SDK1: variants seen among roughly 807,000 people sequenced by gnomAD.
SDK1 encodes the protein protein sidekick-1.
In SDK1, 157 loss-of-function variants were observed where a neutral mutation model predicts 245.5. The observed-to-expected ratio is 0.64, with a 90% CI of 0.56 to 0.73. SDK1 has a LOEUF of 0.73. SDK1 is among the 30% of genes least tolerant of loss of function. SDK1 has a pLI of 0.00. For synonymous variants in SDK1, 1,647 were observed against 1,278.5 expected (o/e 1.29, Z -6.15); for missense variants, 3,583 against 3,002.3 (o/e 1.19, Z -4.52).
At chr7:3,912,922 G>T (rs1252102924) in intron 5 of SDK1, among the ~76,000 whole-genome samples, 1 of 152,210 alleles carries the variant, frequency 6.6e-6, no homozygotes, top group African/African-American at 2.4e-5. Flanking sequence ...CGAGATGCAA[G>T]TCACAGTTTT....
At chr7:3,794,749 C>T (rs1778920961) in intron 4 of SDK1, among the ~76,000 whole-genome samples, 1 of 152,090 alleles carries the variant, frequency 6.6e-6, no homozygotes, top group African/African-American at 2.4e-5. Flanking sequence ...CTGTATAGAT[C>T]ACCCAATTTC....
chr7:3,910,260 A>G (rs936592700), intron 5 of SDK1, among the ~76,000 whole-genome samples: 17 of 152,184 alleles, frequency 1.1e-4, no homozygotes, highest in Non-Finnish European at 5.9e-5. Flanking sequence ...CAAAACAAAA[A>G]CAGATTATTC....
At chr7:3,820,475 C>T (rs888824766) in intron 4 of SDK1, among the ~76,000 whole-genome samples, 2 of 152,116 alleles carry the variant, frequency 1.3e-5, no homozygotes, top group African/African-American at 4.8e-5. Context: ...ATTTTACCAC[C>T]CTCATCCACC....
chr7:4,148,127 C>T (rs73048352), intron 29 of SDK1, among the ~76,000 whole-genome samples: 5,825 of 152,166 alleles, frequency 0.038, 163 homozygotes, highest in Middle Eastern at 0.088. Flanking sequence ...GCCTTTGAAA[C>T]GGGATACGCT....
At chr7:3,940,257 A>C (rs948840803) in intron 5 of SDK1, among the ~76,000 whole-genome samples, 5 of 152,262 alleles carry the variant, frequency 3.3e-5, no homozygotes, top group African/African-American at 1.2e-4. Flanking sequence ...TAGTGATTCA[A>C]GTTGGATATT....
chr7:3,480,762 A>G lies in SDK1; in HGVS notation c.299-138318A>G, dbSNP rs575380444. 6.6e-5 allele frequency among the ~76,000 whole-genome samples: 10 copies of G among 152,336 alleles called. No homozygotes were observed. The East Asian group carries it at 1.2e-3, about 18-fold the overall frequency. ...CGTTTATTTTACGTTGACAGGGGCT[A>G]TGAGTCAAAGGATGCAGGGAGCCTC... On this transcript the variant is annotated intron_variant, in intron 1 of 44. Transcript: ENST00000404826.
At chr7:3,916,559 T>A (rs1189170425) in intron 5 of SDK1, among the ~76,000 whole-genome samples, 1 of 152,220 alleles carries the variant, frequency 6.6e-6, no homozygotes, top group Non-Finnish European at 1.5e-5. Flanking sequence ...TCAGTTGTTT[T>A]AAGCAATTCT....
intron 1 of SDK1, among the ~76,000 whole-genome samples, chr7:3,415,070 T>C (rs1779323406): frequency 1.3e-5 from 2 of 152,196 alleles, no homozygotes; most frequent in South Asian, 4.1e-4. Flanking sequence ...ATTTTCTTTC[T>C]TTTGGTTATA....
chr7:3,423,437 T>A (rs1040558610), intron 1 of SDK1, among the ~76,000 whole-genome samples: 1 of 152,200 alleles, frequency 6.6e-6, no homozygotes, highest in Admixed American at 6.5e-5. Context: ...CAAAGAGAAC[T>A]TCTTGGGATA....
At chr7:4,173,033 A>G (rs1781947376) in intron 32 of SDK1, among the ~76,000 whole-genome samples, 1 of 152,236 alleles carries the variant, frequency 6.6e-6, no homozygotes, top group Non-Finnish European at 1.5e-5. Context: ...TTCAACCCAC[A>G]GCAAAGGGGC....
intron 14 of SDK1, among the ~76,000 whole-genome samples, chr7:4,004,789 C>T (rs1047472429): frequency 2.0e-5 from 3 of 152,074 alleles, no homozygotes; most frequent in Non-Finnish European, 4.4e-5. Flanking sequence ...TTAATATCAC[C>T]TGCTATTCAG....
At chr7:3,865,675 AT>A (rs1162414385) in intron 5 of SDK1, among the ~76,000 whole-genome samples, 1 of 145,416 alleles carries the variant, frequency 6.9e-6, no homozygotes, top group Non-Finnish European at 1.5e-5. Context: ...CGTCTGGCTT[AT>A]TTTTTTCTTT....
Position 3,578,031 on chromosome 7 carries a change from T to A in SDK1, c.299-41049T>A, listed in dbSNP as rs540180958. On this transcript the variant is annotated intron_variant, in intron 1 of 44. Coordinates refer to ENST00000404826, the MANE Select transcript of SDK1 (RefSeq NM_152744.4). The stretch of plus-strand genomic sequence containing the variant: ...AGAGAGGTGGCAATGTTTCTTTCTT[T>A]TCCTCCTTCCCTTGTTTTTTTGTAT... Among the ~76,000 whole-genome samples, 7 of 152,236 alleles carry A rather than the reference T, an allele frequency of 4.6e-5. No homozygotes were observed. The South Asian group carries it at 1.5e-3, about 32-fold the overall frequency.
chr7:3,864,722 G>A (rs1463609950), intron 5 of SDK1, among the ~76,000 whole-genome samples: 2 of 152,122 alleles, frequency 1.3e-5, no homozygotes, highest in Admixed American at 6.6e-5. Context: ...ACGGGAAAGA[G>A]GAAGGAGCCC....
chr7:3,574,713 G>A (rs542948745), intron 1 of SDK1, among the ~76,000 whole-genome samples: 19 of 152,108 alleles, frequency 1.2e-4, no homozygotes, highest in South Asian at 1.0e-3. Context: ...TGTACTGCCT[G>A]GCTTCTTGAA....
intron 1 of SDK1, among the ~76,000 whole-genome samples, chr7:3,580,559 A>T (rs1780446099): frequency 6.6e-6 from 1 of 152,250 alleles, no homozygotes; most frequent in Non-Finnish European, 1.5e-5. Context: ...TTCCCTATTC[A>T]ATAAATGGTG....
chr7:3,745,536 ATGTGTG>A (rs3086116), intron 4 of SDK1, among the ~76,000 whole-genome samples: 2 of 151,386 alleles, frequency 1.3e-5, no homozygotes, highest in Non-Finnish European at 2.9e-5. Context: ...CCTCATTTGC[ATGTGTG>A]TGTGTGTGTG....
At chr7:3,393,384 C>T (rs774485188) in intron 1 of SDK1, among the ~76,000 whole-genome samples, 2 of 152,096 alleles carry the variant, frequency 1.3e-5, no homozygotes, top group Non-Finnish European at 2.9e-5. Context: ...AGTGGCTGCA[C>T]CATTATACTA....
intron 4 of SDK1, among the ~76,000 whole-genome samples, chr7:3,817,394 G>T (rs911443366): frequency 6.6e-6 from 1 of 152,228 alleles, no homozygotes; most frequent in African/African-American, 2.4e-5. Context: ...TCCACTCTGA[G>T]CAGGGAGTGG....
Sources: allele counts gnomAD v4.1 joint callset (sites outside exome capture counted in the v4.1 genomes callset), GRCh38; gene constraint gnomAD v4.1.1; transcripts MANE v1.5; gene names NCBI Gene and HGNC (gene_info 2026-07-23, HGNC 2026-07-21).